FHIP1A: variants seen among roughly 807,000 people sequenced by gnomAD.
FHIP1A encodes the protein FHF complex subunit HOOK-interacting protein 1A.
A neutral mutation model predicts 88.6 loss-of-function variants in FHIP1A; 61 were observed. That is an observed-to-expected ratio of 0.69 (90% CI 0.56 to 0.85). The LOEUF (loss-of-function observed/expected upper bound fraction) is 0.85, where lower values mean the gene tolerates loss of function less well. FHIP1A is among the 40% of genes least tolerant of loss of function. FHIP1A has a pLI of 0.00. For missense variants in FHIP1A, 1,154 were observed against 1,273.5 expected (o/e 0.91, Z 1.43); for synonymous variants, 478 against 496.0 (o/e 0.96, Z 0.48).
intron 3 of FHIP1A, among the ~76,000 whole-genome samples, chr4:151,556,616 T>C (rs1732956350): frequency 6.6e-6 from 1 of 152,190 alleles, no homozygotes; most frequent in South Asian, 2.1e-4. Context: ...AGGGTAGTTA[T>C]TCTGAAGAGA....
intron 3 of FHIP1A, among the ~76,000 whole-genome samples, chr4:151,557,318 A>G (rs1578749682): frequency 6.6e-6 from 1 of 152,180 alleles, no homozygotes; most frequent in East Asian, 1.9e-4. Flanking sequence ...ATTGTTTTCT[A>G]CCTGAAGCAC....
chr4:151,606,978 C>T (rs1009321449), intron 7 of FHIP1A, among the ~76,000 whole-genome samples: 3 of 152,154 alleles, frequency 2.0e-5, no homozygotes, highest in Non-Finnish European at 4.4e-5. Flanking sequence ...TACAGGCAGG[C>T]GCTGGTTCCG....
chr4:151,444,106 C>T (rs567407619), intron 1 of FHIP1A, among the ~76,000 whole-genome samples: 4 of 151,558 alleles, frequency 2.6e-5, no homozygotes, highest in African/African-American at 4.9e-5. Context: ...TCCCCCGTTT[C>T]GTCTGTGAGC....
chr4:151,567,745 A>G (rs1260913409), intron 4 of FHIP1A, among the ~76,000 whole-genome samples: 1 of 152,182 alleles, frequency 6.6e-6, no homozygotes, highest in Non-Finnish European at 1.5e-5. Flanking sequence ...TAAAACGTAC[A>G]TTATACATTT....
intron 1 of FHIP1A, among the ~76,000 whole-genome samples, chr4:151,411,996 TCA>T (rs1732667029): frequency 6.6e-6 from 1 of 152,236 alleles, no homozygotes; most frequent in South Asian, 2.1e-4. Context: ...GCTTTATGTT[TCA>T]CAGAGTGCTT....
At chr4:151,552,686 G>A (rs1222657391) in intron 3 of FHIP1A, among the ~76,000 whole-genome samples, 1 of 151,948 alleles carries the variant, frequency 6.6e-6, no homozygotes, top group Non-Finnish European at 1.5e-5. Flanking sequence ...CGGGTGGGAG[G>A]ATGGGGGAGG....
intron 3 of FHIP1A, among the ~76,000 whole-genome samples, chr4:151,491,916 T>C (rs1247794585): frequency 2.0e-5 from 3 of 152,172 alleles, no homozygotes; most frequent in Non-Finnish European, 4.4e-5. Flanking sequence ...GGGAACATTA[T>C]ATAATGATGA....
chr4:151,439,634 A>G (rs2076419185), intron 1 of FHIP1A, among the ~76,000 whole-genome samples: 1 of 152,184 alleles, frequency 6.6e-6, no homozygotes, highest in African/African-American at 2.4e-5. Flanking sequence ...TGACATCTGT[A>G]AGATGACAGT....
chr4:151,568,174 A>T (rs1220250091), intron 4 of FHIP1A, among the ~76,000 whole-genome samples: 1 of 152,198 alleles, frequency 6.6e-6, no homozygotes, highest in African/African-American at 2.4e-5. Context: ...ATTCATTTCC[A>T]TAACAATACA....
intron 5 of FHIP1A, among the ~76,000 whole-genome samples, chr4:151,579,205 T>C (rs1185177233): frequency 6.6e-6 from 1 of 152,176 alleles, no homozygotes; most frequent in African/African-American, 2.4e-5. Flanking sequence ...TCCAAACCCA[T>C]AGAATGTAAA....
At chr4:151,597,273 ACAGTCAGGCCCCTCTGCTGCAGGT>A (rs1171669748) in intron 7 of FHIP1A, among the ~76,000 whole-genome samples, 18 of 151,942 alleles carry the variant, frequency 1.2e-4, no homozygotes, top group African/African-American at 4.4e-4. Flanking sequence ...TTTCCTTCTA[ACAGTCAGGCCCCTCTGCTGCAGGT>A]CTGCTGGAGT....
intron 1 of FHIP1A, among the ~76,000 whole-genome samples, chr4:151,449,951 G>A (rs972018543): frequency 2.7e-4 from 41 of 152,074 alleles, no homozygotes; most frequent in African/African-American, 9.6e-4. Context: ...TTTTCTCTGA[G>A]TTTAGAAATC....
chr4:151,588,123 C>A (rs555252525), intron 6 of FHIP1A, among the ~76,000 whole-genome samples: 2 of 151,738 alleles, frequency 1.3e-5, no homozygotes, highest in African/African-American at 4.8e-5. Context: ...ATTTTGACAT[C>A]GAAACCATAT....
intron 7 of FHIP1A, among the ~76,000 whole-genome samples, chr4:151,617,512 C>T (rs138577042): frequency 6.6e-6 from 1 of 152,248 alleles, no homozygotes; most frequent in Non-Finnish European, 1.5e-5. Context: ...TCAGTGCCCT[C>T]ATCATCCTCT....
chr4:151,652,629 A>G (rs1055840315), intron 11 of FHIP1A, among the ~76,000 whole-genome samples: 1 of 152,210 alleles, frequency 6.6e-6, no homozygotes, highest in African/African-American at 2.4e-5. Context: ...TGGGAAATGC[A>G]TGATTAGTTG....
chr4:151,490,012 G>A (rs948852717), intron 3 of FHIP1A, among the ~76,000 whole-genome samples: 2 of 152,118 alleles, frequency 1.3e-5, no homozygotes, highest in South Asian at 4.1e-4. Context: ...ACTGCAGCAA[G>A]TGCTCTCTTG....
chr4:151,479,827 G>A (rs909033695), intron 2 of FHIP1A, among the ~76,000 whole-genome samples: 3 of 152,048 alleles, frequency 2.0e-5, no homozygotes, highest in African/African-American at 4.8e-5. Context: ...ACTTGACATA[G>A]TAGAGGTCTA....
chr4:151,612,071 G>A (rs948476784), intron 7 of FHIP1A, among the ~76,000 whole-genome samples: 7 of 152,054 alleles, frequency 4.6e-5, no homozygotes, highest in Non-Finnish European at 8.8e-5. Flanking sequence ...TCAGACAAAG[G>A]CATTGAGGAC....
rs1386817640 is a variant in FHIP1A, at chr4:151,664,835, CTGGTGG to C, written c.*2087_*2092del. ...TTTGATTTACACCTTTCTCCATTAT[CTGGTGG>C]TGGTGTTGATTCTTCTTGAATCCAT... is the stretch of plus-strand genomic sequence containing the variant. On this transcript the variant is annotated 3_prime_UTR_variant, in exon 14 of 14. Transcript: ENST00000435205. Among the ~76,000 whole-genome samples, 22 of 152,192 alleles carry C rather than the reference CTGGTGG, an allele frequency of 1.4e-4. No individual in the cohort carries two copies. The highest frequency in any genetic ancestry group is 2.9e-5 in the Non-Finnish European group (2 of 68,034).
Sources: allele counts gnomAD v4.1 joint callset (sites outside exome capture counted in the v4.1 genomes callset), GRCh38; gene constraint gnomAD v4.1.1; transcripts MANE v1.5; gene names NCBI Gene and HGNC (gene_info 2026-07-23, HGNC 2026-07-21).